PRIM2: variants seen among roughly 807,000 people sequenced by gnomAD.
PRIM2 encodes DNA primase large subunit.
A neutral mutation model predicts 67.3 loss-of-function variants in PRIM2; 39 were observed. The ratio of observed to expected loss-of-function variants is 0.58; its 90% CI spans 0.45 to 0.76. The LOEUF (loss-of-function observed/expected upper bound fraction) is 0.76, where lower values mean the gene tolerates loss of function less well. PRIM2 is among the 30% of genes least tolerant of loss of function. The pLI, the probability that PRIM2 is intolerant of heterozygous loss-of-function variation, is 0.00. For missense variants in PRIM2, 398 were observed against 598.7 expected (o/e 0.66, Z 3.50); for synonymous variants, 143 against 198.7 (o/e 0.72, Z 2.36).
intron 7 of PRIM2, among the ~76,000 whole-genome samples, chr6:57,438,629 G>A (rs1245221094): frequency 1.3e-5 from 2 of 152,156 alleles, no homozygotes; most frequent in Non-Finnish European, 2.9e-5. Context: ...TCTGAAACTT[G>A]GAGAATTTTA....
At chr6:57,460,511 T>C (rs1219713022) in intron 7 of PRIM2, among the ~76,000 whole-genome samples, 3 of 152,234 alleles carry the variant, frequency 2.0e-5, no homozygotes, top group African/African-American at 7.2e-5. Context: ...CAGTTAAATA[T>C]GATATCTACT....
intron 7 of PRIM2, among the ~76,000 whole-genome samples, chr6:57,391,512 T>C (rs9396285): frequency 6.6e-6 from 1 of 152,168 alleles, no homozygotes; most frequent in Non-Finnish European, 1.5e-5. Context: ...TACATTTAAG[T>C]CTTTAATCCA....
At chr6:57,292,941 T>G in the PRIM2 span, among the ~76,000 whole-genome samples, 15 of 152,318 alleles carry the variant, frequency 9.8e-5, no homozygotes, top group Non-Finnish European at 1.0e-4. Flanking sequence ...AAAGACTTCA[T>G]GATGAAAACA....
the PRIM2 span, among the ~76,000 whole-genome samples, chr6:57,303,224 A>G: frequency 6.6e-6 from 1 of 152,234 alleles, no homozygotes; most frequent in Non-Finnish European, 1.5e-5. Flanking sequence ...TTAATTTGCT[A>G]GATGATGCTT....
At chr6:57,366,136 C>T (rs1180743275) in intron 5 of PRIM2, among the ~76,000 whole-genome samples, 6 of 151,900 alleles carry the variant, frequency 3.9e-5, no homozygotes, top group African/African-American at 1.5e-4. Context: ...AGTAACTATG[C>T]CTAAGGAAAT....
In PRIM2 at chr6:57,386,019, G is replaced by T. The variant is rs1581851426; in HGVS notation, c.693+3851G>T. ...TGGAAAACATATTTCTGTTGGTTAT[G>T]TGTTTAGGAATGGAATTGTAGGGTA... On this transcript the variant is annotated intron_variant, in intron 7 of 13. Coordinates refer to ENST00000615550, the MANE Select transcript of PRIM2 (RefSeq NM_000947.5). Among the ~76,000 whole-genome samples, 8 of 151,338 alleles carry T rather than the reference G, an allele frequency of 5.3e-5. No homozygotes were observed. The South Asian group carries it at 1.5e-3, about 28-fold the overall frequency.
chr6:57,400,784 A>G (rs1395953405), intron 7 of PRIM2, among the ~76,000 whole-genome samples: 1 of 152,120 alleles, frequency 6.6e-6, no homozygotes, highest in Admixed American at 6.5e-5. Flanking sequence ...GCATTGTAGG[A>G]ATGGACAAAA....
intron 7 of PRIM2, chr6:57,497,432 TAACA>T (rs1457343644): frequency 1.3e-5 from 2 of 152,226 alleles, no homozygotes; most frequent in Non-Finnish European, 2.9e-5. Flanking sequence ...AGCCTTTGAA[TAACA>T]AGCTTCTTTT....
intron 7 of PRIM2, among the ~76,000 whole-genome samples, chr6:57,486,697 C>T (rs1482444995): frequency 1.3e-5 from 2 of 152,172 alleles, no homozygotes; most frequent in Admixed American, 6.5e-5. Context: ...AGTCATATTT[C>T]GCATTAAACG....
chr6:57,569,229 G>A (rs1331970419), intron 10 of PRIM2, among the ~76,000 whole-genome samples: 1 of 152,116 alleles, frequency 6.6e-6, no homozygotes, highest in African/African-American at 2.4e-5. Context: ...TGTCTGTCAA[G>A]TGCCTGACAC....
intron 8 of PRIM2, among the ~76,000 whole-genome samples, chr6:57,516,739 T>C (rs1417409784): frequency 3.9e-5 from 6 of 152,162 alleles, no homozygotes; most frequent in Non-Finnish European, 8.8e-5. Context: ...AGAGTTTGTT[T>C]TATGTATTGT....
chr6:57,362,410 A>C (rs1312628588), intron 5 of PRIM2, among the ~76,000 whole-genome samples: 7 of 152,144 alleles, frequency 4.6e-5, no homozygotes, highest in Non-Finnish European at 1.0e-4. Context: ...TGGCTGCATC[A>C]GTGGTTCATG....
At chr6:57,584,261 C>T (rs2127486140) in intron 10 of PRIM2, among the ~76,000 whole-genome samples, 1 of 152,264 alleles carries the variant, frequency 6.6e-6, no homozygotes, top group South Asian at 2.1e-4. Flanking sequence ...ATGAAACAAA[C>T]CCACTAGCCA....
upstream of PRIM2, among the ~76,000 whole-genome samples, chr6:57,312,712 A>T (rs1037872091): frequency 6.6e-6 from 1 of 152,208 alleles, no homozygotes; most frequent in East Asian, 1.9e-4. Flanking sequence ...TATCACCATT[A>T]TCCATCTCCA....
intron 7 of PRIM2, among the ~76,000 whole-genome samples, chr6:57,449,430 G>A (rs1321432278): frequency 6.6e-6 from 1 of 152,092 alleles, no homozygotes; most frequent in East Asian, 1.9e-4. Flanking sequence ...ATGGCAAAAT[G>A]TGTCAGGATT....
intron 10 of PRIM2, among the ~76,000 whole-genome samples, chr6:57,599,621 A>G (rs1776425516): frequency 6.6e-6 from 1 of 152,246 alleles, no homozygotes; most frequent in South Asian, 2.1e-4. Flanking sequence ...ACGCATTCAC[A>G]TAGGTGATTA....
intron 7 of PRIM2, among the ~76,000 whole-genome samples, chr6:57,483,159 C>T (rs1192913079): frequency 2.0e-5 from 3 of 152,110 alleles, no homozygotes; most frequent in South Asian, 2.1e-4. Flanking sequence ...CTACCAGCCT[C>T]GGCCTCCCAA....
At chr6:57,476,552 T>A (rs1281138309) in intron 7 of PRIM2, among the ~76,000 whole-genome samples, 12 of 152,192 alleles carry the variant, frequency 7.9e-5, no homozygotes, top group Non-Finnish European at 2.9e-5. Context: ...TTATTAATGT[T>A]ATATAATATT....
intron 8 of PRIM2, among the ~76,000 whole-genome samples, chr6:57,512,623 T>C (rs1774394359): frequency 6.6e-6 from 1 of 152,108 alleles, no homozygotes; most frequent in South Asian, 2.1e-4. Context: ...AGACAAAGTC[T>C]CACTCTGTCT....
Sources: allele counts gnomAD v4.1 joint callset (sites outside exome capture counted in the v4.1 genomes callset), GRCh38; gene constraint gnomAD v4.1.1; transcripts MANE v1.5; gene names NCBI Gene and HGNC (gene_info 2026-07-23, HGNC 2026-07-21).